The following FAM135A variants were observed in gnomAD, a reference collection of about 807,000 sequenced individuals.
FAM135A encodes the protein protein FAM135A.
In FAM135A, 79 loss-of-function variants were observed where a neutral mutation model predicts 146.8. That is an observed-to-expected ratio of 0.54 (90% CI 0.45 to 0.65). The LOEUF (loss-of-function observed/expected upper bound fraction) is 0.65, where lower values mean the gene tolerates loss of function less well. Ranked by LOEUF, FAM135A falls within the 30% of genes least tolerant of loss-of-function variation. FAM135A has a pLI of 0.00. For missense variants in FAM135A, 1,623 were observed against 1,758.2 expected, an observed-to-expected ratio of 0.92 and a Z score of 1.38; for synonymous variants, 562 against 603.6, an observed-to-expected ratio of 0.93 and a Z score of 1.01.
At chr6:70,508,124 C>G (rs1790208241) in intron 12 of FAM135A, among the ~76,000 whole-genome samples, 3 of 152,146 alleles carry the variant, frequency 2.0e-5, no homozygotes, top group African/African-American at 7.2e-5. Context: ...GAGAAAAACT[C>G]TGTGCTTAGG....
intron 20 of FAM135A, among the ~76,000 whole-genome samples, chr6:70,543,176 T>C (rs1383916668): frequency 6.6e-6 from 1 of 152,222 alleles, no homozygotes; most frequent in Non-Finnish European, 1.5e-5. Flanking sequence ...TAGTAAGATG[T>C]AAATCTAGCC....
At chr6:70,501,677 A>G (rs532874866) in intron 11 of FAM135A, among the ~76,000 whole-genome samples, 16 of 152,360 alleles carry the variant, frequency 1.1e-4, no homozygotes, top group African/African-American at 3.4e-4. Context: ...TGGGGAAAGC[A>G]TAGTGATCTG....
At chr6:70,514,293 C>T (rs11756165) in intron 12 of FAM135A, among the ~76,000 whole-genome samples, 2,222 of 152,154 alleles carry the variant, frequency 0.015, 32 homozygotes, top group Non-Finnish European at 0.02. Context: ...TAAAATTTCA[C>T]TTCAGATATT....
In FAM135A at chr6:70,428,294, CTTAACAAAGGTGCTG is replaced by C. The variant is rs773933300; in HGVS notation, c.-39-6_-31del. 21 of 1,344,256 alleles carry C rather than the reference CTTAACAAAGGTGCTG, an allele frequency of 1.6e-5. No homozygotes were observed. The African/African-American group carries it at 3.0e-4, about 19-fold the overall frequency. 83.3% of individuals were successfully genotyped at this position (1,344,256 alleles called of 1,614,324 possible). On this transcript the variant is annotated splice_acceptor_variant and splice_polypyrimidine_tract_variant and 5_prime_UTR_variant and intron_variant, in exon 4 of 22. Transcript: ENST00000418814. LOFTEE classifies it low-confidence loss of function (5UTR_SPLICE). ...CGCTTCTCATGATTTTTTCCCTTTC[CTTAACAAAGGTGCTG>C]TTATCAGAATAGTCTTCTGGGTATA... is the stretch of plus-strand genomic sequence containing the variant.
rs1795124507 is a variant in FAM135A at position 70,528,358 on chromosome 6, T to G, written c.3681T>G (p.Pro1227=). The G allele has an allele frequency of 6.2e-7, 1 of 1,613,776 alleles. No individual in the cohort carries two copies. Residue 1227 remains proline, a synonymous_variant, in exon 16 of 22, where the codon CCT becomes CCG. Transcript: ENST00000418814. ...KLPGFMYSEV[P]LLASSVPYFS... ...CTGGGTTCATGTACAGTGAAGTTCC[T>G]CTGCTGGCATCCTCAGTACCTTATT...
rs542760393 is a variant in FAM135A at position 70,538,723 on chromosome 6, C to A, written c.4228+322C>A. Among the ~76,000 whole-genome samples the A allele has an allele frequency of 2.3e-4, 35 of 151,074 alleles. No homozygotes were observed. The South Asian group carries it at 7.3e-3, about 31-fold the overall frequency. ...AGACCATGTTTCTGCATGTCCTATC[C>A]CCGCTGTTCTAGCTGTCTCCCACCC... On this transcript the variant is annotated intron_variant, in intron 20 of 21. Coordinates refer to ENST00000418814, the MANE Select transcript of FAM135A (RefSeq NM_001162529.3).
chr6:70,533,794 G>A lies in FAM135A; in HGVS notation c.3905G>A (p.Arg1302His), dbSNP rs532369145. 1.3e-5 allele frequency: 20 copies of A among 1,586,424 alleles called. No individual in the cohort carries two copies. The highest frequency in any genetic ancestry group is 4.6e-5 in the East Asian group (2 of 43,398). The change falls in exon 18 of 22, where the codon CGT becomes CAT. Residue 1302 changes from arginine to histidine, a missense_variant. By Grantham distance (29) the Arg-to-His change is conservative. Transcript: ENST00000418814. Reference protein sequence around the residue: ...TFADFDSMTDRLLDEIIQYIQ... With the variant: ...TFADFDSMTDHLLDEIIQYIQ... ...GCTGATTTTGATAGCATGACTGATC[G>A]TCTTTTGGATGAGATAATACAGTAT...
intron 12 of FAM135A, chr6:70,504,401 A>G (rs1409923787): frequency 6.6e-6 from 1 of 152,016 alleles, no homozygotes; most frequent in Non-Finnish European, 1.5e-5. Context: ...TTCATGGTTT[A>G]TTATTTTCAT....
intron 4 of FAM135A, among the ~76,000 whole-genome samples, chr6:70,451,452 G>T (rs1332760484): frequency 6.6e-6 from 1 of 151,988 alleles, no homozygotes; most frequent in African/African-American, 2.4e-5. Flanking sequence ...ATTCCACTTC[G>T]ATCTTTTTTC....
intron 5 of FAM135A, among the ~76,000 whole-genome samples, chr6:70,458,422 G>A (rs1188246158): frequency 1.3e-5 from 2 of 151,664 alleles, no homozygotes; most frequent in Admixed American, 6.6e-5. Context: ...TGTTTTTCTT[G>A]TTTGTGGTTT....
chr6:70,556,935 CT>C (rs746977521), intron 21 of FAM135A, 72 bp downstream of exon 21: 43 of 1,063,854 alleles, frequency 4.0e-5, no homozygotes, highest in Non-Finnish European at 6.0e-5. Context: ...CTTGTAGTCA[CT>C]TTCTCTCGTA....
At chr6:70,417,624 A>G (rs1767849243) in intron 2 of FAM135A, 3 of 985,224 alleles carry the variant, frequency 3.0e-6, no homozygotes, top group South Asian at 9.4e-5. Context: ...GAAGTTGCCT[A>G]TAGGATGCAG....
At chr6:70,450,260 CT>C (rs1241854476) in intron 4 of FAM135A, among the ~76,000 whole-genome samples, 2 of 152,030 alleles carry the variant, frequency 1.3e-5, no homozygotes, top group African/African-American at 2.4e-5. Flanking sequence ...TCTTCAGAAG[CT>C]TTTTAATTTG....
intron 11 of FAM135A, among the ~76,000 whole-genome samples, chr6:70,492,783 T>A (rs1236098662): frequency 2.0e-5 from 3 of 151,650 alleles, no homozygotes; most frequent in Non-Finnish European, 4.4e-5. Context: ...TAATAGGTTA[T>A]TTTTTTTGCC....
chr6:70,494,526 A>G (rs1288096419), intron 11 of FAM135A, among the ~76,000 whole-genome samples: 1 of 151,996 alleles, frequency 6.6e-6, no homozygotes, highest in Admixed American at 6.5e-5. Flanking sequence ...AAATACACAA[A>G]TGTAAAGTCT....
At chr6:70,433,421 C>T (rs1467180399) in intron 4 of FAM135A, among the ~76,000 whole-genome samples, 1 of 151,990 alleles carries the variant, frequency 6.6e-6, no homozygotes, top group African/African-American at 2.4e-5. Flanking sequence ...ATAATAGGCC[C>T]AGACAAATGA....
At chr6:70,481,378 G>C (rs1156869245) in intron 9 of FAM135A, among the ~76,000 whole-genome samples, 1 of 152,210 alleles carries the variant, frequency 6.6e-6, no homozygotes, top group East Asian at 1.9e-4. Context: ...GCCAGGTGTT[G>C]TGGCTCACGC....
At chr6:70,417,176 T>C (rs1033342892) in intron 2 of FAM135A, among the ~76,000 whole-genome samples, 2 of 152,082 alleles carry the variant, frequency 1.3e-5, no homozygotes, top group African/African-American at 4.8e-5. Flanking sequence ...TTTCCTTTTA[T>C]GGCATTAGGT....
At chr6:70,426,892 C>T (rs1296723643) in intron 3 of FAM135A, 1 of 152,190 alleles carries the variant, frequency 6.6e-6, no homozygotes, top group Non-Finnish European at 1.5e-5. Context: ...GAACAGTAGA[C>T]AAATCTGCCC....
Sources: gnomAD v4.1 joint callset for allele counts (sites outside exome capture counted in the v4.1 genomes callset) on GRCh38, gnomAD v4.1.1 for gene constraint, MANE v1.5 for transcripts, NCBI Gene and HGNC (gene_info 2026-07-23, HGNC 2026-07-21) for gene names.